HSD17B4: variants seen among roughly 807,000 people sequenced by gnomAD.
HSD17B4 encodes the protein hydroxysteroid 17-beta dehydrogenase 4, also known as peroxisomal multifunctional enzyme type 2.
HSD17B4 carries 70 observed loss-of-function variants against 101.0 expected under a neutral mutation model. The ratio of observed to expected loss-of-function variants is 0.69; its 90% CI spans 0.57 to 0.85. The LOEUF (loss-of-function observed/expected upper bound fraction) is 0.85. Ranked by LOEUF, HSD17B4 falls within the 40% of genes least tolerant of loss-of-function variation. The pLI is 0.00. For synonymous variants in HSD17B4, 347 were observed against 297.1 expected (o/e 1.17, Z -1.73); for missense variants, 984 against 892.4 (o/e 1.10, Z -1.31).
At chr5:119,480,303 G>T (rs1046035522) in intron 8 of HSD17B4, among the ~76,000 whole-genome samples, 1 of 152,092 alleles carries the variant, frequency 6.6e-6, no homozygotes, top group East Asian at 1.9e-4. Flanking sequence ...GTCCTGCCCC[G>T]ATAATTACGT....
At chr5:119,478,598 A>G (rs1748818341) in intron 7 of HSD17B4, among the ~76,000 whole-genome samples, 1 of 152,188 alleles carries the variant, frequency 6.6e-6, no homozygotes, top group Non-Finnish European at 1.5e-5. Context: ...GCATAAGTCT[A>G]AGATCATTTG....
intron 17 of HSD17B4, among the ~76,000 whole-genome samples, chr5:119,523,086 T>A (rs1753257665): frequency 6.6e-6 from 1 of 152,154 alleles, no homozygotes; most frequent in African/African-American, 2.4e-5. Context: ...TGTCTTCTAG[T>A]TACACTGTAG....
At chr5:119,506,543 T>A (rs533643467) in intron 14 of HSD17B4, among the ~76,000 whole-genome samples, 38 of 152,178 alleles carry the variant, frequency 2.5e-4, no homozygotes, top group African/African-American at 8.7e-4. Context: ...GTAATGGGAT[T>A]GCTGGGTCAA....
rs376221095 is a variant in HSD17B4 at position 119,496,662 on chromosome 5, G to A, written c.972+16G>A. On this transcript the variant is annotated intron_variant, in intron 12 of 23. Coordinates refer to ENST00000510025, the MANE Select transcript of HSD17B4 (RefSeq NM_000414.4). The stretch of plus-strand genomic sequence containing the variant: ...ATCAGGATTTGTAAGTGGGAAAAAA[G>A]CCTAAAGCGTTTGCCTTCTCTGGAG... The A allele has an allele frequency of 2.0e-5, 29 of 1,419,174 alleles. No individual in the cohort carries two copies. The highest frequency in any genetic ancestry group is 2.8e-5 in the Non-Finnish European group (28 of 1,001,952). The allele number at this position is 1,419,174 out of a possible 1,614,324, so 87.9% of individuals were successfully genotyped here.
chr5:119,534,616 T>G (rs1325621122), intron 22 of HSD17B4, among the ~76,000 whole-genome samples: 1 of 152,110 alleles, frequency 6.6e-6, no homozygotes, highest in Non-Finnish European at 1.5e-5. Context: ...CGCTTAGGAT[T>G]CTCAACTTGG....
intron 17 of HSD17B4, among the ~76,000 whole-genome samples, chr5:119,522,313 A>G (rs1304825250): frequency 2.0e-5 from 3 of 152,092 alleles, no homozygotes; most frequent in African/African-American, 7.2e-5. Context: ...TATGTGCTAC[A>G]TTTTTTTAAT....
intron 8 of HSD17B4, among the ~76,000 whole-genome samples, chr5:119,479,454 G>A (rs1024496229): frequency 6.6e-6 from 1 of 152,104 alleles, no homozygotes; most frequent in East Asian, 1.9e-4. Context: ...TATTACAATT[G>A]ATGAACCAGT....
intron 17 of HSD17B4, among the ~76,000 whole-genome samples, chr5:119,522,197 G>C (rs1254282435): frequency 6.6e-6 from 1 of 150,762 alleles, no homozygotes; most frequent in Non-Finnish European, 1.5e-5. Flanking sequence ...TTGGTTTTTT[G>C]TCCTTGCAAT....
rs987205230 is a variant in HSD17B4, at chr5:119,452,703, T to C, written c.58+70T>C. The C allele has an allele frequency of 1.6e-5, 26 of 1,608,278 alleles. No homozygotes were observed. The African/African-American group carries it at 1.7e-4, about 11-fold the overall frequency. ...GCTGGCTGCTCTTTTCGGGCCGGCA[T>C]ACGCGCGCAGCCGCAGCTGAGGTCA... On this transcript the variant is annotated intron_variant, in intron 1 of 23. Coordinates refer to ENST00000510025, the MANE Select transcript of HSD17B4 (RefSeq NM_000414.4).
rs1311768574 is a variant in HSD17B4 at position 119,487,277 on chromosome 5, CT to C, written c.623-1912del. ...TTTTTTTCTGGTTGGAGGATACCTT[CT>C]TTATCTCAGTAATGCTTTAAAAGAA... On this transcript the variant is annotated intron_variant, in intron 8 of 23. Transcript: ENST00000510025. 3.5e-4 allele frequency: 42 copies of C among 118,960 alleles called. No homozygotes were observed. In the Admixed American group the frequency reaches 4.1e-3, roughly 12 times the overall value. The allele number at this position is 118,960 out of a possible 1,614,324, so 7.4% of individuals were successfully genotyped here.
intron 10 of HSD17B4, chr5:119,492,816 A>G (rs1434118783): frequency 6.6e-6 from 1 of 152,086 alleles, no homozygotes; most frequent in Admixed American, 6.6e-5. Flanking sequence ...CAAATTTGAG[A>G]ATTGCTTTAT....
At chr5:119,520,770 C>T (rs970151744) in intron 17 of HSD17B4, among the ~76,000 whole-genome samples, 8 of 151,998 alleles carry the variant, frequency 5.3e-5, no homozygotes, top group Non-Finnish European at 1.0e-4. Context: ...AAGCAAAAGT[C>T]GTGTATACCT....
intron 2 of HSD17B4, among the ~76,000 whole-genome samples, chr5:119,465,873 G>A (rs894736126): frequency 2.6e-5 from 4 of 152,134 alleles, no homozygotes; most frequent in Admixed American, 6.5e-5. Flanking sequence ...GAATAAGAGC[G>A]GTGAAAGTGG....
chr5:119,459,364 C>G (rs1185602715), intron 2 of HSD17B4, among the ~76,000 whole-genome samples: 1 of 152,204 alleles, frequency 6.6e-6, no homozygotes. Context: ...ATATCAGTCC[C>G]TGCTTACCAT....
Position 119,527,127 on chromosome 5 carries a change from T to C in HSD17B4, c.1681-6T>C. On this transcript the variant is annotated splice_polypyrimidine_tract_variant and splice_region_variant and intron_variant, in intron 19 of 23. Transcript: ENST00000510025. Reference sequence around the variant, plus strand: ...ACATTTTTAACCCCACAATTCTTTTTTAAAGGCTCGTTTTGCAAAACCAGT... The same window carrying C: ...ACATTTTTAACCCCACAATTCTTTTCTAAAGGCTCGTTTTGCAAAACCAGT... 6.4e-7 allele frequency: 1 copy of C among 1,566,006 alleles called. No individual in the cohort carries two copies. Among genetic ancestry groups the C allele is most frequent in the Non-Finnish European group, 8.8e-7 (1 of 1,136,704 alleles).
At chr5:119,499,859 A>G (rs1312039402) in intron 13 of HSD17B4, among the ~76,000 whole-genome samples, 2 of 152,164 alleles carry the variant, frequency 1.3e-5, no homozygotes, top group African/African-American at 4.8e-5. Flanking sequence ...TCTAGGCTTC[A>G]GTTTCCTTAT....
intron 2 of HSD17B4, among the ~76,000 whole-genome samples, chr5:119,465,086 C>T (rs116786037): frequency 0.014 from 2,084 of 151,804 alleles, 51 homozygotes; most frequent in African/African-American, 0.048. Flanking sequence ...CTAGGAACAA[C>T]AGCAAAAAGA....
intron 1 of HSD17B4, among the ~76,000 whole-genome samples, chr5:119,453,024 G>T (rs905153969): frequency 6.6e-6 from 1 of 152,250 alleles, no homozygotes; most frequent in African/African-American, 2.4e-5. Flanking sequence ...GCCGCGAGGG[G>T]CGGGGGCTGG....
chr5:119,512,156 A>C (rs1489089998), intron 16 of HSD17B4, among the ~76,000 whole-genome samples: 1 of 152,206 alleles, frequency 6.6e-6, no homozygotes, highest in African/African-American at 2.4e-5. Context: ...TGATTATACA[A>C]ACTAAAGAAC....
Sources: allele counts gnomAD v4.1 joint callset (sites outside exome capture counted in the v4.1 genomes callset), GRCh38; gene constraint gnomAD v4.1.1; transcripts MANE v1.5; gene names NCBI Gene and HGNC (gene_info 2026-07-23, HGNC 2026-07-21).